UBE4B: variants seen among roughly 807,000 people sequenced by gnomAD.
UBE4B encodes ubiquitin conjugation factor E4 B.
A neutral mutation model predicts 148.1 loss-of-function variants in UBE4B; 27 were observed. The observed-to-expected ratio is 0.18, with a 90% CI of 0.13 to 0.25. UBE4B has a LOEUF of 0.25. UBE4B is among the 10% of genes least tolerant of loss of function. The pLI is 1.00. For synonymous variants in UBE4B, 596 were observed against 619.3 expected (o/e 0.96, Z 0.56); for missense variants, 1,170 against 1,662.4 (o/e 0.70, Z 5.15).
At chr1:10,072,306 A>G in intron 2 of UBE4B, 92 bp downstream of exon 2, 17 of 1,434,948 alleles carry the variant, frequency 1.2e-5, no homozygotes, top group Non-Finnish European at 1.6e-5. Flanking sequence ...ACAGATTAAA[A>G]TGAAGCAGAC....
chr1:10,126,347 AT>A lies in UBE4B; in HGVS notation c.1555-446del, dbSNP rs1361109574. On this transcript the variant is annotated intron_variant, in intron 10 of 27. Transcript: ENST00000343090. ...GATAGATAGATAGATAGATAGATAG[AT>A]AGATAGAAAGGAGGAAATATTGGAA... 3.8e-3 allele frequency among the ~76,000 whole-genome samples: 579 copies of A among 152,052 alleles called. 2 individuals are homozygous for A. The highest frequency in any genetic ancestry group is 0.013 in the African/African-American group (527 of 41,432).
chr1:10,149,305 A>G (rs1458051722), intron 20 of UBE4B, 23 bp downstream of exon 20: 16 of 1,532,096 alleles, frequency 1.0e-5, no homozygotes, highest in East Asian at 2.3e-5. Context: ...AATATTTTAC[A>G]TAGTTCTAAT....
chr1:10,176,784 C>CTTTTTTTTTTTTTTT (rs946016031), intron 25 of UBE4B, among the ~76,000 whole-genome samples: 18 of 121,768 alleles, frequency 1.5e-4, no homozygotes, highest in South Asian at 2.6e-4. Flanking sequence ...TTTTCTTTTT[C>CTTTTTTTTTTTTTTT]TTTTTTTTTT....
At chr1:10,054,346 T>G (rs190273140) in intron 1 of UBE4B, 213 of 166,136 alleles carry the variant, frequency 1.3e-3, no homozygotes, top group African/African-American at 4.9e-3. Flanking sequence ...AAAATTTGCT[T>G]TAAATAGTTC....
intron 15 of UBE4B, 120 bp from the exon 16 acceptor site, chr1:10,134,868 G>A: frequency 1.3e-6 from 1 of 763,414 alleles, no homozygotes. Flanking sequence ...GAGCCTGGGA[G>A]GTGGAGGTTG....
At chr1:10,071,100 T>G (rs1644476338) in intron 1 of UBE4B, among the ~76,000 whole-genome samples, 1 of 152,086 alleles carries the variant, frequency 6.6e-6, no homozygotes, top group African/African-American at 2.4e-5. Context: ...AGAGACAGGA[T>G]TTCACCATGT....
chr1:10,041,102 A>G (rs976101152), intron 1 of UBE4B, among the ~76,000 whole-genome samples: 1 of 152,102 alleles, frequency 6.6e-6, no homozygotes, highest in Non-Finnish European at 1.5e-5. Flanking sequence ...ATTGTAGACA[A>G]GAGACAGAGA....
chr1:10,058,399 C>A (rs1644219773), intron 1 of UBE4B, among the ~76,000 whole-genome samples: 1 of 152,154 alleles, frequency 6.6e-6, no homozygotes, highest in South Asian at 2.1e-4. Context: ...TGCTTGGAAG[C>A]CTTGGTACTT....
At chr1:10,064,180 T>G (rs535388359) in intron 1 of UBE4B, among the ~76,000 whole-genome samples, 1 of 152,292 alleles carries the variant, frequency 6.6e-6, no homozygotes, top group Admixed American at 6.5e-5. Flanking sequence ...CTCGTCTGCC[T>G]AACCCCTACC....
chr1:10,170,769 T>G (rs1056568152), intron 24 of UBE4B, among the ~76,000 whole-genome samples: 3 of 152,212 alleles, frequency 2.0e-5, no homozygotes, highest in African/African-American at 7.2e-5. Context: ...ACTCAAAACT[T>G]TTTTTGCTCA....
chr1:10,102,674 A>G lies in UBE4B; in HGVS notation c.436-274A>G, dbSNP rs558053281. ...GATCCACTGGCCTCGGCCTTCCAGAATGCTGGGATTACAGGTGTGAGCCAC... is the reference window on the plus strand; with the variant it reads ...GATCCACTGGCCTCGGCCTTCCAGAGTGCTGGGATTACAGGTGTGAGCCAC... On this transcript the variant is annotated intron_variant, in intron 4 of 27. Transcript: ENST00000343090. 3.3e-5 allele frequency among the ~76,000 whole-genome samples: 5 copies of G among 151,722 alleles called. No individual in the cohort carries two copies. In the East Asian group the frequency reaches 7.8e-4, roughly 24 times the overall value.
Position 10,168,306 on chromosome 1 carries a change from G to C in UBE4B, c.3333+36G>C. ...ACCCGGGGCTCTGTTTGGTGGTTTG[G>C]ACTCCACATTCAGACTCTCTCACTT... On this transcript the variant is annotated intron_variant, in intron 24 of 27. Transcript: ENST00000343090. The surrounding 1 kb of genome is among the most constrained non-coding windows in gnomAD (Gnocchi z 4.9). 6.2e-7 allele frequency: 1 copy of C among 1,609,396 alleles called. No homozygotes were observed. The highest frequency in any genetic ancestry group is 8.5e-7 in the Non-Finnish European group (1 of 1,177,698).
chr1:10,048,457 T>A (rs946255945), intron 1 of UBE4B, among the ~76,000 whole-genome samples: 1 of 151,944 alleles, frequency 6.6e-6, no homozygotes, highest in Non-Finnish European at 1.5e-5. Context: ...ACCTAGAGAG[T>A]GAGCATAAAT....
intron 21 of UBE4B, among the ~76,000 whole-genome samples, chr1:10,152,552 C>T (rs1332559500): frequency 3.3e-5 from 5 of 151,916 alleles, no homozygotes; most frequent in Non-Finnish European, 7.4e-5. Context: ...AATCCCAGCA[C>T]TTTGGGAGGC....
At position 10,106,227 on chromosome 1, in the gene UBE4B, C is replaced by G. The variant is rs370639198; in HGVS notation, c.840C>G (p.Pro280=). The change falls in exon 7 of 28, where the codon CCC becomes CCG. Residue 280 remains proline, a synonymous_variant. Coordinates refer to ENST00000343090, the MANE Select transcript of UBE4B (RefSeq NM_001105562.3). This position sits in a 1 kb window ranked among gnomAD's most constrained non-coding sequence, Gnocchi z 4.2. ...SLYESSPAPT[P]SFWSSVPVMG... ...ATGAAAGTAGTCCGGCTCCCACTCCCAGTTTCTGGAGCTCTGTTCCCGTGA... is the reference window on the plus strand; with the variant it reads ...ATGAAAGTAGTCCGGCTCCCACTCCGAGTTTCTGGAGCTCTGTTCCCGTGA... The G allele has an allele frequency of 3.7e-6, 6 of 1,608,206 alleles. No individual in the cohort carries two copies. The Admixed American group carries it at 6.7e-5, about 18-fold the overall frequency.
chr1:10,153,254 C>G (rs1209016235), intron 21 of UBE4B, among the ~76,000 whole-genome samples: 1 of 151,822 alleles, frequency 6.6e-6, no homozygotes, highest in Non-Finnish European at 1.5e-5. Context: ...GCTAATAATC[C>G]TAGCACTTTA....
At chr1:10,129,476 A>G in intron 12 of UBE4B, 28 bp downstream of exon 12, 1 of 1,599,428 alleles carries the variant, frequency 6.3e-7, no homozygotes, top group Non-Finnish European at 8.6e-7. Flanking sequence ...GGGCTTGCAC[A>G]TTTTCAGTGA....
intron 5 of UBE4B, 85 bp from the exon 6 acceptor site, chr1:10,105,431 T>G: frequency 8.5e-7 from 1 of 1,175,984 alleles, no homozygotes; most frequent in Non-Finnish European, 1.3e-6. Context: ...CATCGAACCA[T>G]TTGGGGTCAG....
At chr1:10,166,863 T>G (rs1018068962) in intron 23 of UBE4B, among the ~76,000 whole-genome samples, 1 of 151,682 alleles carries the variant, frequency 6.6e-6, no homozygotes, top group Non-Finnish European at 1.5e-5. Flanking sequence ...AGGCAGAGAT[T>G]GCAGTGAGCC....
Sources: allele counts gnomAD v4.1 joint callset (sites outside exome capture counted in the v4.1 genomes callset), GRCh38; gene constraint gnomAD v4.1.1; non-coding constraint Gnocchi (gnomAD v3.1); transcripts MANE v1.5; gene names NCBI Gene and HGNC (gene_info 2026-07-23, HGNC 2026-07-21).